The following SCFD2 variants were observed in gnomAD, a reference collection of about 807,000 sequenced individuals.
The protein encoded by SCFD2 is sec1 family domain-containing protein 2.
Under a neutral mutation model 58.9 loss-of-function variants are expected in SCFD2, and 54 were observed. That is an observed-to-expected ratio of 0.92 (90% CI 0.74 to 1.15). SCFD2 has a LOEUF of 1.15. SCFD2 is among the 50% of genes most tolerant of loss of function. The pLI, the probability that SCFD2 is intolerant of heterozygous loss-of-function variation, is 0.00. For synonymous variants in SCFD2, 321 were observed against 335.9 expected (o/e 0.96, Z 0.49); for missense variants, 805 against 836.6 (o/e 0.96, Z 0.47).
At chr4:53,177,934 AG>A (rs1472384619) in intron 4 of SCFD2, among the ~76,000 whole-genome samples, 2 of 152,318 alleles carry the variant, frequency 1.3e-5, no homozygotes, top group South Asian at 2.1e-4. Context: ...TCAAACTGCA[AG>A]GTGGCAGCAA....
intron 2 of SCFD2, among the ~76,000 whole-genome samples, chr4:53,327,948 G>T (rs1162629353): frequency 3.9e-5 from 6 of 151,974 alleles, no homozygotes; most frequent in African/African-American, 9.7e-5. Context: ...GGCTAACACA[G>T]TGAAACCCTG....
chr4:53,030,727 A>G (rs911853348), intron 5 of SCFD2, among the ~76,000 whole-genome samples: 2 of 152,158 alleles, frequency 1.3e-5, no homozygotes, highest in African/African-American at 4.8e-5. Flanking sequence ...CGGCCAATCT[A>G]GCAGTTTTTA....
At chr4:52,914,869 C>T (rs534479800) in intron 6 of SCFD2, among the ~76,000 whole-genome samples, 92 of 152,064 alleles carry the variant, frequency 6.1e-4, no homozygotes, top group Non-Finnish European at 1.2e-3. Context: ...ATGAGGCTGG[C>T]CTGATAGCTT....
intron 5 of SCFD2, among the ~76,000 whole-genome samples, chr4:53,044,997 A>C (rs1049670892): frequency 3.6e-5 from 5 of 139,224 alleles, no homozygotes; most frequent in Admixed American, 8.9e-5. Flanking sequence ...AAATATTCTT[A>C]AAATAAGCAA....
chr4:53,148,764 C>G (rs1427568925), intron 4 of SCFD2, among the ~76,000 whole-genome samples: 1 of 152,144 alleles, frequency 6.6e-6, no homozygotes, highest in Non-Finnish European at 1.5e-5. Flanking sequence ...AATTCCAGTA[C>G]TTTGGGAGGC....
intron 4 of SCFD2, among the ~76,000 whole-genome samples, chr4:53,229,015 T>C: frequency 6.6e-6 from 1 of 152,092 alleles, no homozygotes. Context: ...GAACTCCCAT[T>C]CACAATTGCT....
At chr4:53,107,495 A>G (rs1342227781) in intron 5 of SCFD2, among the ~76,000 whole-genome samples, 1 of 152,218 alleles carries the variant, frequency 6.6e-6, no homozygotes. Flanking sequence ...TCATGTGCAA[A>G]GACACTCACA....
At chr4:52,970,292 A>C (rs1421577870) in intron 5 of SCFD2, among the ~76,000 whole-genome samples, 2 of 152,226 alleles carry the variant, frequency 1.3e-5, no homozygotes, top group East Asian at 3.8e-4. Context: ...GACAGACAGC[A>C]CCTGGAAAAT....
intron 5 of SCFD2, among the ~76,000 whole-genome samples, chr4:53,099,937 G>A (rs1403160384): frequency 1.3e-5 from 2 of 152,090 alleles, no homozygotes; most frequent in African/African-American, 4.8e-5. Flanking sequence ...TACTGGAAAA[G>A]ACACTGAATT....
chr4:53,217,475 T>C (rs1728887775), intron 4 of SCFD2, among the ~76,000 whole-genome samples: 1 of 152,186 alleles, frequency 6.6e-6, no homozygotes, highest in African/African-American at 2.4e-5. Flanking sequence ...CCCTGCCTTT[T>C]TTTGTTTTCC....
In SCFD2 at chr4:52,955,900, C is replaced by CTACT. The variant is rs966506549; in HGVS notation, c.1562-35034_1562-35031dup. On this transcript the variant is annotated intron_variant, in intron 5 of 8. Coordinates refer to ENST00000401642, the MANE Select transcript of SCFD2 (RefSeq NM_152540.4). ...CATGCTCTAATTGAAGGAAAGGCAG[C>CTACT]TACTTGGCTGTGGGAATACTTCCTA... is the stretch of plus-strand genomic sequence containing the variant. The CTACT allele has an allele frequency of 3.8e-4, 135 of 359,212 alleles. 1 individual carries two copies. The highest frequency in any genetic ancestry group is 2.7e-3 in the African/African-American group (129 of 46,928). The allele number at this position is 359,212 out of a possible 1,614,324, so 22.3% of individuals were successfully genotyped here. A position where few individuals can be genotyped will look rare whatever the true frequency, so the allele number is the denominator to read the frequency against.
intron 5 of SCFD2, among the ~76,000 whole-genome samples, chr4:52,959,110 G>A (rs775467395): frequency 6.6e-6 from 1 of 152,176 alleles, no homozygotes; most frequent in Non-Finnish European, 1.5e-5. Context: ...TCTGACTCTT[G>A]AGTCCATATG....
chr4:52,900,441 G>A (rs1719159169), intron 7 of SCFD2, among the ~76,000 whole-genome samples: 1 of 152,198 alleles, frequency 6.6e-6, no homozygotes, highest in Non-Finnish European at 1.5e-5. Context: ...GAGCAGCGGT[G>A]GCTGCAGAAC....
chr4:53,216,757 CT>C (rs1728854107), intron 4 of SCFD2, among the ~76,000 whole-genome samples: 2 of 152,182 alleles, frequency 1.3e-5, no homozygotes, highest in African/African-American at 4.8e-5. Context: ...AATTTTAGAT[CT>C]TTCCTGCTTT....
At chr4:53,259,848 A>C (rs944264107) in intron 4 of SCFD2, among the ~76,000 whole-genome samples, 2 of 152,162 alleles carry the variant, frequency 1.3e-5, no homozygotes, top group Non-Finnish European at 2.9e-5. Flanking sequence ...CTCATCCATG[A>C]GCATGGGATG....
chr4:52,885,490 C>A (rs573211883), intron 8 of SCFD2, among the ~76,000 whole-genome samples: 7 of 152,290 alleles, frequency 4.6e-5, no homozygotes, highest in African/African-American at 1.7e-4. Flanking sequence ...TAGCATTTAA[C>A]CTGTCATGAT....
intron 4 of SCFD2, among the ~76,000 whole-genome samples, chr4:53,199,831 C>T (rs1165208433): frequency 6.6e-6 from 1 of 152,046 alleles, no homozygotes; most frequent in Non-Finnish European, 1.5e-5. Context: ...GGAAGTTTGA[C>T]ATCAGGGTGT....
chr4:53,004,292 C>CGT (rs1005322471), intron 5 of SCFD2, among the ~76,000 whole-genome samples: 33 of 152,262 alleles, frequency 2.2e-4, no homozygotes, highest in Admixed American at 1.6e-3. Flanking sequence ...TGGAAAGGAA[C>CGT]GTAAATGTGG....
chr4:52,999,788 C>T (rs980474992), intron 5 of SCFD2, among the ~76,000 whole-genome samples: 1 of 152,198 alleles, frequency 6.6e-6, no homozygotes, highest in Non-Finnish European at 1.5e-5. Context: ...CCATCTGTTG[C>T]ATTATGATCA....
Sources: gnomAD v4.1 joint callset for allele counts (sites outside exome capture counted in the v4.1 genomes callset) on GRCh38, gnomAD v4.1.1 for gene constraint, MANE v1.5 for transcripts, NCBI Gene and HGNC (gene_info 2026-07-23, HGNC 2026-07-21) for gene names.